Variants in GNG7 observed in about 807,000 individuals in gnomAD.
GNG7 encodes guanine nucleotide-binding protein G(I)/G(S)/G(O) subunit gamma-7.
Under a neutral mutation model 4.0 loss-of-function variants are expected in GNG7, and 1 was observed. The ratio of observed to expected loss-of-function variants is 0.25; its 90% CI spans 0.09 to 1.18. The LOEUF is 1.18. Among genes scored for constraint, GNG7 ranks in the 50% most tolerant of loss-of-function variants. The probability of loss-of-function intolerance (pLI) is 0.50; values close to 1 mark genes in which losing one functional copy is unlikely to be tolerated. For missense variants in GNG7, 86 were observed against 91.9 expected, an observed-to-expected ratio of 0.94 and a Z score of 0.26; for synonymous variants, 34 against 36.9, an observed-to-expected ratio of 0.92 and a Z score of 0.29.
chr19:2,571,306 G>A (rs1456753173), intron 2 of GNG7, among the ~76,000 whole-genome samples: 3 of 152,170 alleles, frequency 2.0e-5, no homozygotes, highest in African/African-American at 7.2e-5. Context: ...AACCGAGAAG[G>A]TGCTACCTGC....
At chr19:2,544,480 G>A (rs1979061929) in intron 3 of GNG7, among the ~76,000 whole-genome samples, 2 of 152,258 alleles carry the variant, frequency 1.3e-5, no homozygotes, top group South Asian at 4.1e-4. Context: ...CGCCTCCCGG[G>A]TTCAGGAGAT....
At chr19:2,560,142 G>C (rs1979697005) in intron 2 of GNG7, among the ~76,000 whole-genome samples, 1 of 152,098 alleles carries the variant, frequency 6.6e-6, no homozygotes, top group Admixed American at 6.6e-5. Flanking sequence ...CGTGTCCAAG[G>C]ATAAGAGGGA....
chr19:2,678,259 G>A (rs1027251448), intron 1 of GNG7, among the ~76,000 whole-genome samples: 6 of 152,190 alleles, frequency 3.9e-5, no homozygotes, highest in Non-Finnish European at 7.3e-5. Flanking sequence ...CATTGAGGAA[G>A]TAAAACCTGG....
intron 2 of GNG7, among the ~76,000 whole-genome samples, chr19:2,581,409 G>A (rs1255276249): frequency 1.3e-5 from 2 of 152,046 alleles, no homozygotes; most frequent in Non-Finnish European, 2.9e-5. Context: ...AAATTGCCCA[G>A]GAGGGGTCAG....
At chr19:2,624,651 T>C (rs764123422) in intron 2 of GNG7, among the ~76,000 whole-genome samples, 3 of 152,022 alleles carry the variant, frequency 2.0e-5, no homozygotes, top group Non-Finnish European at 2.9e-5. Flanking sequence ...AGCAGGCCTC[T>C]CGTCTCCGGA....
chr19:2,672,870 C>T (rs1483995515), intron 1 of GNG7, among the ~76,000 whole-genome samples: 2 of 152,154 alleles, frequency 1.3e-5, no homozygotes, highest in African/African-American at 4.8e-5. Context: ...TGTGTTCTCC[C>T]CAGAGCCCTG....
chr19:2,678,281 T>G (rs985976813), intron 1 of GNG7, among the ~76,000 whole-genome samples: 1 of 152,132 alleles, frequency 6.6e-6, no homozygotes, highest in African/African-American at 2.4e-5. Flanking sequence ...GGGAGCGAGA[T>G]ATACAAGAAG....
chr19:2,513,352 C>T lies in GNG7; in HGVS notation c.*1670G>A, dbSNP rs143375654. On this transcript the variant is annotated 3_prime_UTR_variant, in exon 5 of 5. Coordinates refer to ENST00000382159, the MANE Select transcript of GNG7 (RefSeq NM_052847.3). ...TTTATTCTACTACTTGCTTCTAGGC[C>T]AGCCCCGTGGAGGGGGTCGGGGCGG... 1 of 382,700 alleles carries T rather than the reference C, an allele frequency of 2.6e-6. No individual in the cohort carries two copies. The highest frequency in any genetic ancestry group is 3.6e-6 in the Non-Finnish European group (1 of 279,140). The allele number at this position is 382,700 out of a possible 1,614,324, so 23.7% of individuals were successfully genotyped here.
At chr19:2,526,948 C>T (rs1013397478) in intron 3 of GNG7, among the ~76,000 whole-genome samples, 22 of 152,078 alleles carry the variant, frequency 1.4e-4, no homozygotes, top group Middle Eastern at 3.4e-3. Flanking sequence ...TGAGTTCATG[C>T]CATTCTCCTG....
chr19:2,640,713 G>A (rs1270822267), intron 2 of GNG7, among the ~76,000 whole-genome samples: 1 of 151,524 alleles, frequency 6.6e-6, no homozygotes, highest in East Asian at 1.9e-4. Context: ...TGCACCACTC[G>A]ATCTCCTAGG....
chr19:2,576,503 C>A (rs75672469), intron 2 of GNG7, among the ~76,000 whole-genome samples: 15,236 of 152,238 alleles, frequency 0.1, 919 homozygotes, highest in Middle Eastern at 0.16. Context: ...AAACCAGGAA[C>A]CCTTGGGAAC....
rs1168856000 is a variant in GNG7, at chr19:2,626,634, T to C, written c.-78+19590A>G. 2.0e-5 allele frequency among the ~76,000 whole-genome samples: 3 copies of C among 152,182 alleles called. No homozygotes were observed. The highest frequency in any genetic ancestry group is 4.4e-5 in the Non-Finnish European group (3 of 68,022). On this transcript the variant is annotated intron_variant, in intron 2 of 4. Transcript: ENST00000382159. The surrounding 1 kb of genome is among the most constrained non-coding windows in gnomAD (Gnocchi z 5.0). ...GAATTCCCGAACAAAGCTCCTGGTGTGGGCACCTGCTTTCACTCTTGGGCG... is the reference window on the plus strand; with the variant it reads ...GAATTCCCGAACAAAGCTCCTGGTGCGGGCACCTGCTTTCACTCTTGGGCG...
chr19:2,599,438 G>A (rs1048564938), intron 2 of GNG7, among the ~76,000 whole-genome samples: 5 of 152,120 alleles, frequency 3.3e-5, no homozygotes, highest in Non-Finnish European at 5.9e-5. Context: ...GCCCACCCGG[G>A]TGGGTTTCCA....
At chr19:2,607,284 G>C (rs62123717) in intron 2 of GNG7, among the ~76,000 whole-genome samples, 29,734 of 150,208 alleles carry the variant, frequency 0.2, 3,504 homozygotes, top group Non-Finnish European at 0.28. Flanking sequence ...TTGGGAGGTC[G>C]AGGCAGGCAG....
intron 3 of GNG7, among the ~76,000 whole-genome samples, chr19:2,550,593 C>G (rs959436015): frequency 2.6e-5 from 4 of 152,152 alleles, no homozygotes; most frequent in African/African-American, 9.7e-5. Flanking sequence ...GTGACCATGG[C>G]CCTGCTGGGC....
chr19:2,605,397 C>T (rs145924254), intron 2 of GNG7, among the ~76,000 whole-genome samples: 165 of 151,568 alleles, frequency 1.1e-3, no homozygotes, highest in African/African-American at 3.8e-3. Flanking sequence ...CGGGGTTTCA[C>T]CATGTTGGCC....
intron 3 of GNG7, among the ~76,000 whole-genome samples, chr19:2,526,846 TCTTAA>T (rs1978413298): frequency 1.3e-5 from 2 of 151,272 alleles, no homozygotes; most frequent in Admixed American, 6.6e-5. Context: ...ATATTGTTTA[TCTTAA>T]CTTTTTTTTT....
At chr19:2,516,820 G>C (rs1972742384) in intron 4 of GNG7, 1 of 152,470 alleles carries the variant, frequency 6.6e-6, no homozygotes, top group South Asian at 2.1e-4. Flanking sequence ...CTGAGGGGCT[G>C]ATGCTTCCGG....
intron 2 of GNG7, among the ~76,000 whole-genome samples, chr19:2,567,331 T>TTGTGTGTGTGTGTGTG (rs3221748): frequency 0.029 from 4,036 of 137,200 alleles, 95 homozygotes; most frequent in African/African-American, 0.047. Flanking sequence ...TGTCGTCGAT[T>TTGTGTGTGTGTGTGTG]TGTGTGTGTG....
Sources: gnomAD v4.1 joint callset for allele counts (sites outside exome capture counted in the v4.1 genomes callset) on GRCh38, gnomAD v4.1.1 for gene constraint, Gnocchi (gnomAD v3.1) non-coding constraint, MANE v1.5 for transcripts, NCBI Gene and HGNC (gene_info 2026-07-23, HGNC 2026-07-21) for gene names.